The following RCL1 variants were observed in gnomAD, a reference collection of about 807,000 sequenced individuals.
RCL1 encodes RNA terminal phosphate cyclase like 1.
A neutral mutation model predicts 42.4 loss-of-function variants in RCL1; 24 were observed. The ratio of observed to expected loss-of-function variants is 0.57; its 90% CI spans 0.41 to 0.80. RCL1 has a LOEUF of 0.80. RCL1 is among the 30% of genes least tolerant of loss of function. RCL1 has a pLI of 0.00. For synonymous variants in RCL1, 228 were observed against 177.3 expected (o/e 1.29, Z -2.27); for missense variants, 578 against 467.9 (o/e 1.24, Z -2.17).
At chr9:4,795,324 C>T (rs752608315) in intron 1 of RCL1, among the ~76,000 whole-genome samples, 4 of 152,162 alleles carry the variant, frequency 2.6e-5, no homozygotes, top group Admixed American at 6.5e-5. Context: ...CTCAGGTGAT[C>T]CGCCTGCCTT....
At chr9:4,837,587 C>G (rs915251489) in intron 5 of RCL1, among the ~76,000 whole-genome samples, 1 of 152,148 alleles carries the variant, frequency 6.6e-6, no homozygotes, top group Non-Finnish European at 1.5e-5. Flanking sequence ...CTTGTCATAA[C>G]AACATGGGTT....
chr9:4,830,351 A>C (rs1178541470), intron 3 of RCL1, among the ~76,000 whole-genome samples: 1 of 152,186 alleles, frequency 6.6e-6, no homozygotes, highest in Non-Finnish European at 1.5e-5. Context: ...GAGAAGCTGT[A>C]ATGGAAAAGA....
At position 4,849,460 on chromosome 9, in the gene RCL1, A is replaced by G; in HGVS notation, c.881A>G (p.Asp294Gly). Residue 294 changes from aspartate (D) to glycine (G), a missense_variant, in exon 8 of 9, where the codon GAC (aspartate) becomes GGC (glycine). Coordinates refer to ENST00000381750, the MANE Select transcript of RCL1 (RefSeq NM_005772.5). ...TTGTGTTTACAGGGTGGATGCGTAG[A>G]CTCGACCAACCAAAGCCTGGCGCTA... Reference protein sequence around the residue: ...LEEIYRGGCVDSTNQSLALLL... With the variant: ...LEEIYRGGCVGSTNQSLALLL... 1 of 1,613,646 alleles carries G rather than the reference A, an allele frequency of 6.2e-7. No individual in the cohort carries two copies.
intron 1 of RCL1, among the ~76,000 whole-genome samples, chr9:4,809,038 T>C (rs748848476): frequency 1.3e-5 from 2 of 152,256 alleles, no homozygotes; most frequent in Middle Eastern, 6.8e-3. Context: ...TTTTTCTATA[T>C]GTGCACTTTT....
chr9:4,848,778 G>C (rs765871448), intron 7 of RCL1, among the ~76,000 whole-genome samples: 7 of 152,148 alleles, frequency 4.6e-5, no homozygotes, highest in Non-Finnish European at 8.8e-5. Flanking sequence ...AGAGAAGTCT[G>C]TTCTGCTTGT....
At chr9:4,809,715 T>G (rs181338516) in intron 1 of RCL1, among the ~76,000 whole-genome samples, 1 of 152,358 alleles carries the variant, frequency 6.6e-6, no homozygotes, top group Admixed American at 6.5e-5. Flanking sequence ...CCTTAATTGA[T>G]ATTTCTTCCC....
intron 1 of RCL1, among the ~76,000 whole-genome samples, chr9:4,819,269 A>G (rs977070427): frequency 1.1e-4 from 16 of 152,372 alleles, no homozygotes; most frequent in Non-Finnish European, 2.4e-4. Flanking sequence ...TTGCATGTGC[A>G]GTTCACAATA....
intron 1 of RCL1, among the ~76,000 whole-genome samples, chr9:4,793,616 G>T (rs1215522749): frequency 6.6e-6 from 1 of 152,186 alleles, no homozygotes; most frequent in African/African-American, 2.4e-5. Context: ...TGAGCCGGGG[G>T]AGAGACATTG....
intron 7 of RCL1, among the ~76,000 whole-genome samples, chr9:4,848,255 A>G (rs1476971453): frequency 2.0e-5 from 3 of 152,200 alleles, no homozygotes; most frequent in South Asian, 4.1e-4. Context: ...TATGTGATCT[A>G]AATGTTGTTT....
intron 1 of RCL1, among the ~76,000 whole-genome samples, chr9:4,813,643 A>T (rs560932206): frequency 2.6e-4 from 40 of 152,326 alleles, no homozygotes; most frequent in Admixed American, 7.8e-4. Flanking sequence ...TTCCTCAAGG[A>T]TCTAGAACTA....
chr9:4,807,486 C>A (rs1020649670), intron 1 of RCL1, among the ~76,000 whole-genome samples: 1 of 152,030 alleles, frequency 6.6e-6, no homozygotes, highest in African/African-American at 2.4e-5. Context: ...TTTTTATTTT[C>A]TTTGAAACTC....
At chr9:4,855,052 CAAAAAAAAAA>C (rs774233424) in intron 8 of RCL1, among the ~76,000 whole-genome samples, 1 of 59,842 alleles carries the variant, frequency 1.7e-5, no homozygotes, top group Non-Finnish European at 3.1e-5. Context: ...GACTCCGTCT[CAAAAAAAAAA>C]AAAAAAAAAA....
rs1292094834 is a variant in RCL1 at position 4,859,815 on chromosome 9, AT to A, written c.972-309del. Among the ~76,000 whole-genome samples, 4 of 152,196 alleles carry A rather than the reference AT, an allele frequency of 2.6e-5. No individual in the cohort carries two copies. In the East Asian group the frequency reaches 7.7e-4, roughly 29 times the overall value. On this transcript the variant is annotated intron_variant, in intron 8 of 8. Coordinates refer to ENST00000381750, the MANE Select transcript of RCL1 (RefSeq NM_005772.5). ...CCCATCTCTTATAAAAAAAAGAGTC[AT>A]CACCATATTTCTGTCCATTTTCTGC...
chr9:4,844,409 G>C, intron 6 of RCL1, 116 bp from the exon 7 acceptor site: 7 of 725,798 alleles, frequency 9.6e-6, no homozygotes, highest in Non-Finnish European at 1.6e-5. Context: ...CAGCCAGAAA[G>C]AAGCCTTTGA....
At chr9:4,820,608 A>C (rs900825904) in intron 1 of RCL1, among the ~76,000 whole-genome samples, 2 of 152,142 alleles carry the variant, frequency 1.3e-5, no homozygotes, top group African/African-American at 2.4e-5. Context: ...AATTTGTAAA[A>C]ATCTGTGGGG....
At chr9:4,857,068 AT>A (rs2129750316) in intron 8 of RCL1, among the ~76,000 whole-genome samples, 1 of 152,322 alleles carries the variant, frequency 6.6e-6, no homozygotes, top group Non-Finnish European at 1.5e-5. Context: ...ATATGTATTG[AT>A]TTCTTTATTT....
chr9:4,842,505 A>T (rs188237453), intron 6 of RCL1, among the ~76,000 whole-genome samples: 65 of 152,364 alleles, frequency 4.3e-4, no homozygotes, highest in Admixed American at 9.1e-4. Context: ...TTGTGGGCAA[A>T]GCTGGACTTT....
At chr9:4,819,616 G>A (rs1051716093) in intron 1 of RCL1, among the ~76,000 whole-genome samples, 5 of 152,138 alleles carry the variant, frequency 3.3e-5, no homozygotes, top group African/African-American at 7.2e-5. Context: ...AGACCATCCC[G>A]GCCAACATGG....
At chr9:4,837,476 G>A (rs773326009) in intron 5 of RCL1, among the ~76,000 whole-genome samples, 10 of 152,068 alleles carry the variant, frequency 6.6e-5, no homozygotes, top group Non-Finnish European at 1.2e-4. Context: ...TTTGAGATGT[G>A]TTTCCTTAAT....
Sources: allele counts gnomAD v4.1 joint callset (sites outside exome capture counted in the v4.1 genomes callset), GRCh38; gene constraint gnomAD v4.1.1; transcripts MANE v1.5; gene names NCBI Gene and HGNC (gene_info 2026-07-23, HGNC 2026-07-21).